MCC: variants seen among roughly 807,000 people sequenced by gnomAD.
MCC encodes the protein MCC regulator of Wnt signaling pathway, also known as colorectal mutant cancer protein.
In MCC, 90 loss-of-function variants were observed where a neutral mutation model predicts 116.2. The observed-to-expected ratio is 0.77, with a 90% CI of 0.65 to 0.92. The LOEUF is 0.92. Ranked by LOEUF, MCC falls within the 40% of genes least tolerant of loss-of-function variation. The pLI is 0.00. For missense variants in MCC, 1,516 were observed against 1,312.2 expected (o/e 1.16, Z -2.40); for synonymous variants, 578 against 510.5 (o/e 1.13, Z -1.78).
At chr5:113,077,630 A>C (rs1222975681) in intron 11 of MCC, among the ~76,000 whole-genome samples, 15 of 152,226 alleles carry the variant, frequency 9.9e-5, no homozygotes, top group Admixed American at 6.5e-4. Context: ...CAAAACATAC[A>C]AGAATCTCTG....
chr5:113,102,006 G>A, intron 7 of MCC, 61 bp from the exon 8 acceptor site: 2 of 1,514,170 alleles, frequency 1.3e-6, no homozygotes, highest in Non-Finnish European at 1.8e-6. Context: ...GGGATAGGAA[G>A]AAAATAGGCT....
intron 3 of MCC, among the ~76,000 whole-genome samples, chr5:113,281,167 G>T (rs540223319): frequency 6.6e-6 from 1 of 152,132 alleles, no homozygotes; most frequent in African/African-American, 2.4e-5. Flanking sequence ...CGTTGCTATG[G>T]GGGATATTCC....
intron 4 of MCC, 64 bp downstream of exon 4, chr5:113,151,245 T>A: frequency 2.1e-6 from 2 of 970,832 alleles, no homozygotes; most frequent in East Asian, 5.1e-5. Context: ...TCATGTTTTA[T>A]CTTAAGATTA....
intron 11 of MCC, among the ~76,000 whole-genome samples, chr5:113,080,196 C>T (rs1318358047): frequency 6.6e-6 from 1 of 152,218 alleles, no homozygotes; most frequent in Non-Finnish European, 1.5e-5. Flanking sequence ...CACTTTTACA[C>T]TGTTGGTGGG....
intron 11 of MCC, among the ~76,000 whole-genome samples, chr5:113,074,698 C>T (rs1300990478): frequency 6.6e-6 from 1 of 152,156 alleles, no homozygotes; most frequent in Non-Finnish European, 1.5e-5. Context: ...CTTAAATGAC[C>T]TGAAGGAGCT....
intron 2 of MCC, among the ~76,000 whole-genome samples, chr5:113,381,500 C>T (rs953829330): frequency 6.6e-6 from 1 of 152,046 alleles, no homozygotes; most frequent in Non-Finnish European, 1.5e-5. Context: ...TAAAACCATA[C>T]GACCAAGCTC....
chr5:113,325,554 G>A (rs1488970684), intron 3 of MCC, among the ~76,000 whole-genome samples: 1 of 149,616 alleles, frequency 6.7e-6, no homozygotes, highest in African/African-American at 2.5e-5. Flanking sequence ...GCTGCTGTTA[G>A]GCAATCACGC....
In MCC at chr5:113,054,372, G is replaced by A. The variant is rs112915483; in HGVS notation, c.2214-413C>T. 3.3e-5 allele frequency among the ~76,000 whole-genome samples: 5 copies of A among 152,310 alleles called. 1 individual carries two copies. The highest frequency in any genetic ancestry group is 1.2e-4 in the African/African-American group (5 of 41,556). ...ATATCGACAATGGTGGTGATATTTT[G>A]AGGACATAGGTTAAAAGATATTATA... On this transcript the variant is annotated intron_variant, in intron 14 of 18. Transcript: ENST00000408903.
chr5:113,247,440 CA>C (rs1166152190), intron 3 of MCC, among the ~76,000 whole-genome samples: 1 of 152,196 alleles, frequency 6.6e-6, no homozygotes, highest in Non-Finnish European at 1.5e-5. Context: ...AGGAAAACTA[CA>C]GAATGCTTTC....
intron 11 of MCC, among the ~76,000 whole-genome samples, chr5:113,081,915 T>C (rs965395385): frequency 3.9e-5 from 6 of 152,246 alleles, no homozygotes; most frequent in African/African-American, 1.4e-4. Context: ...ACGGTATCCC[T>C]ATTTCTTCCT....
chr5:113,204,651 C>G (rs1213522508), intron 3 of MCC: 1 of 152,222 alleles, frequency 6.6e-6, no homozygotes, highest in African/African-American at 2.4e-5. Flanking sequence ...AGACAATGCT[C>G]CAGGCAGAAA....
intron 5 of MCC, among the ~76,000 whole-genome samples, chr5:113,132,977 G>A (rs1223900792): frequency 6.6e-6 from 1 of 151,998 alleles, no homozygotes; most frequent in Non-Finnish European, 1.5e-5. Context: ...AGAGCTCAAA[G>A]TTGCAAAAAT....
chr5:113,116,181 G>T (rs530541423), intron 6 of MCC, among the ~76,000 whole-genome samples: 5 of 152,286 alleles, frequency 3.3e-5, no homozygotes, highest in Non-Finnish European at 7.4e-5. Flanking sequence ...ACTCATCCCA[G>T]GCCCTGTGAC....
chr5:113,461,642 G>C (rs1044116883), intron 1 of MCC, among the ~76,000 whole-genome samples: 10 of 151,064 alleles, frequency 6.6e-5, no homozygotes, highest in African/African-American at 2.4e-4. Flanking sequence ...CTGCACTCCA[G>C]CCTGAGTGAC....
intron 3 of MCC, among the ~76,000 whole-genome samples, chr5:113,199,030 T>C (rs1205988542): frequency 6.6e-6 from 1 of 152,098 alleles, no homozygotes; most frequent in Non-Finnish European, 1.5e-5. Context: ...TAGCCAGGCA[T>C]GGTGGTGTGC....
Position 113,294,460 on chromosome 5 carries a change from T to C in MCC, c.627+46059A>G, listed in dbSNP as rs371316336. The C allele has an allele frequency of 8.1e-6, 13 of 1,608,168 alleles. No individual in the cohort carries two copies. In the African/African-American group the frequency reaches 1.3e-4, roughly 17 times the overall value. ...AGAGTTGGACTTCACAGGCTCAATA[T>C]CCACTGCTTGGTCCCTTCTGCCACA... On this transcript the variant is annotated intron_variant, in intron 3 of 18. Coordinates refer to ENST00000408903, the MANE Select transcript of MCC (RefSeq NM_001085377.2).
chr5:113,186,093 G>T (rs1048221203), intron 3 of MCC, among the ~76,000 whole-genome samples: 1 of 152,144 alleles, frequency 6.6e-6, no homozygotes, highest in East Asian at 1.9e-4. Context: ...AGCTGCTGCT[G>T]AGGCAGCATA....
intron 2 of MCC, 145 bp from the exon 3 acceptor site, chr5:113,340,875 G>A (rs1767993896): frequency 6.0e-6 from 4 of 664,096 alleles, no homozygotes; most frequent in South Asian, 3.9e-5. Flanking sequence ...CATGCTAAGC[G>A]CTTTCTCTTT....
At chr5:113,463,803 A>C (rs1288161335) in intron 1 of MCC, among the ~76,000 whole-genome samples, 2 of 152,232 alleles carry the variant, frequency 1.3e-5, no homozygotes, top group African/African-American at 4.8e-5. Flanking sequence ...AACGTAAATA[A>C]GAGACGAAAC....
Sources: allele counts gnomAD v4.1 joint callset (sites outside exome capture counted in the v4.1 genomes callset), GRCh38; gene constraint gnomAD v4.1.1; transcripts MANE v1.5; gene names NCBI Gene and HGNC (gene_info 2026-07-23, HGNC 2026-07-21).